Variants in SPIDR observed in about 807,000 individuals in gnomAD.
The protein encoded by SPIDR is DNA repair-scaffolding protein.
SPIDR carries 93 observed loss-of-function variants against 104.6 expected under a neutral mutation model. The observed-to-expected ratio is 0.89, with a 90% CI of 0.75 to 1.06. The LOEUF (loss-of-function observed/expected upper bound fraction) is 1.06, where lower values mean the gene tolerates loss of function less well. Among genes scored for constraint, SPIDR ranks in the 50% least tolerant of loss-of-function variants. The pLI is 0.00. For missense variants in SPIDR, 1,154 were observed against 1,111.2 expected (o/e 1.04, Z -0.55); for synonymous variants, 431 against 416.9 (o/e 1.03, Z -0.41).
chr8:47,664,409 C>T (rs1251852576), intron 10 of SPIDR, among the ~76,000 whole-genome samples: 1 of 152,030 alleles, frequency 6.6e-6, no homozygotes, highest in Non-Finnish European at 1.5e-5. Context: ...ATTCAAAGAA[C>T]TAAAGGAAAC....
chr8:47,336,387 GC>G (rs2049752243), intron 5 of SPIDR, among the ~76,000 whole-genome samples: 1 of 152,180 alleles, frequency 6.6e-6, no homozygotes. Context: ...AAAGAGTATT[GC>G]CAAAGAAGAA....
chr8:47,416,541 C>G (rs1387123577), intron 7 of SPIDR, among the ~76,000 whole-genome samples: 1 of 151,934 alleles, frequency 6.6e-6, no homozygotes, highest in Non-Finnish European at 1.5e-5. Flanking sequence ...GATAAATGAT[C>G]AAGATTGCGA....
chr8:47,368,263 A>G (rs536169574), intron 5 of SPIDR, among the ~76,000 whole-genome samples: 1 of 142,942 alleles, frequency 7.0e-6, no homozygotes, highest in East Asian at 2.3e-4. Context: ...GTTTCAATGT[A>G]CAAGTTTTGG....
At chr8:47,627,602 C>CT (rs1193510459) in intron 10 of SPIDR, among the ~76,000 whole-genome samples, 1 of 152,098 alleles carries the variant, frequency 6.6e-6, no homozygotes, top group Non-Finnish European at 1.5e-5. Context: ...CTTTTGAAAA[C>CT]TTTCTCTTCC....
chr8:47,484,626 G>T (rs918122521), intron 8 of SPIDR, among the ~76,000 whole-genome samples: 2 of 152,076 alleles, frequency 1.3e-5, no homozygotes, highest in African/African-American at 4.8e-5. Context: ...CGTAGTTCTG[G>T]GCATATAAAA....
intron 11 of SPIDR, among the ~76,000 whole-genome samples, chr8:47,688,129 TTTTA>T (rs1361729359): frequency 1.3e-5 from 2 of 152,162 alleles, no homozygotes; most frequent in East Asian, 1.9e-4. Flanking sequence ...TTTTATTTTA[TTTTA>T]TTTATTTATT....
intron 16 of SPIDR, among the ~76,000 whole-genome samples, chr8:47,717,169 G>A (rs2082707517): frequency 6.6e-6 from 1 of 152,140 alleles, no homozygotes; most frequent in Non-Finnish European, 1.5e-5. Flanking sequence ...TGTGCCTTTG[G>A]CAGTGACCCA....
At chr8:47,519,123 TTTG>T (rs371410579) in intron 8 of SPIDR, among the ~76,000 whole-genome samples, 64 of 151,038 alleles carry the variant, frequency 4.2e-4, no homozygotes, top group Middle Eastern at 3.4e-3. Context: ...GGCTATGTGT[TTTG>T]TTGTTGTTGT....
chr8:47,488,112 A>G (rs2078012313), intron 8 of SPIDR, among the ~76,000 whole-genome samples: 1 of 152,178 alleles, frequency 6.6e-6, no homozygotes, highest in East Asian at 1.9e-4. Flanking sequence ...CACTAGCAAG[A>G]CCTAATAAGA....
At chr8:47,456,247 A>T (rs1345211096) in intron 8 of SPIDR, among the ~76,000 whole-genome samples, 2 of 152,156 alleles carry the variant, frequency 1.3e-5, no homozygotes, top group African/African-American at 2.4e-5. Context: ...TGGTGTGCTT[A>T]TAACAAGGAG....
intron 16 of SPIDR, among the ~76,000 whole-genome samples, chr8:47,715,038 T>G (rs1374808873): frequency 6.6e-6 from 1 of 152,088 alleles, no homozygotes; most frequent in African/African-American, 2.4e-5. Context: ...AATCTAATTT[T>G]AGAACAAAAA....
chr8:47,665,649 A>T (rs1219655701), intron 10 of SPIDR, among the ~76,000 whole-genome samples: 1 of 152,248 alleles, frequency 6.6e-6, no homozygotes, highest in African/African-American at 2.4e-5. Context: ...AAAATAGGCG[A>T]TACATTCTTC....
intron 10 of SPIDR, among the ~76,000 whole-genome samples, chr8:47,602,813 A>G (rs1419830203): frequency 6.6e-6 from 1 of 152,268 alleles, no homozygotes; most frequent in Non-Finnish European, 1.5e-5. Context: ...CAAAAGATTC[A>G]TGTCCTCTGC....
chr8:47,733,018 C>T (rs185800639), intron 19 of SPIDR, among the ~76,000 whole-genome samples: 189 of 152,334 alleles, frequency 1.2e-3, no homozygotes, highest in Admixed American at 2.5e-3. Flanking sequence ...TGCAGACACA[C>T]ATTCATATGA....
chr8:47,556,668 C>G (rs1024564316), intron 8 of SPIDR, among the ~76,000 whole-genome samples: 2 of 152,256 alleles, frequency 1.3e-5, no homozygotes, highest in East Asian at 3.9e-4. Flanking sequence ...GGCACAATCA[C>G]GGCTTACTGC....
rs1003938371 is a variant in SPIDR, at chr8:47,735,446, A to G, written c.2744A>G (p.His915Arg). ...LLSAGGASAE[H>R] The stretch of plus-strand genomic sequence containing the variant: ...AGTGCAGGAGGGGCCTCTGCAGAAC[A>G]CTAGCGGTTGCCGCAGGATCTGTGA... Residue 915 changes from histidine to arginine, a missense_variant, in exon 20 of 20, where the codon CAC becomes CGC. Physicochemically the swap from His to Arg is conservative, Grantham distance 29 (BLOSUM62 0). Transcript: ENST00000297423. The G allele has an allele frequency of 3.7e-6, 6 of 1,614,178 alleles. No individual in the cohort carries two copies. Among genetic ancestry groups the G allele is most frequent in the Non-Finnish European group, 4.2e-6 (5 of 1,180,044 alleles).
chr8:47,418,754 T>A (rs1043971116), intron 7 of SPIDR, among the ~76,000 whole-genome samples: 1 of 152,188 alleles, frequency 6.6e-6, no homozygotes, highest in Admixed American at 6.5e-5. Flanking sequence ...TGGCTGTGGG[T>A]TTGTCATAGA....
intron 10 of SPIDR, among the ~76,000 whole-genome samples, chr8:47,672,991 C>T (rs778571329): frequency 1.6e-4 from 24 of 152,202 alleles, no homozygotes; most frequent in Non-Finnish European, 3.2e-4. Flanking sequence ...CTGTTCTCCT[C>T]CAACATGTGC....
chr8:47,289,868 C>T (rs1243104584), intron 3 of SPIDR, among the ~76,000 whole-genome samples: 2 of 152,126 alleles, frequency 1.3e-5, no homozygotes, highest in Admixed American at 6.5e-5. Context: ...AGATGTCTTT[C>T]AGTAGGTGAA....
Sources: allele counts gnomAD v4.1 joint callset (sites outside exome capture counted in the v4.1 genomes callset), GRCh38; gene constraint gnomAD v4.1.1; transcripts MANE v1.5; gene names NCBI Gene and HGNC (gene_info 2026-07-23, HGNC 2026-07-21).